SUCLG2: variants seen among roughly 807,000 people sequenced by gnomAD.
SUCLG2 encodes succinate-CoA ligase GDP-forming subunit beta.
In SUCLG2, 42 loss-of-function variants were observed where a neutral mutation model predicts 47.9. That is an observed-to-expected ratio of 0.88 (90% CI 0.69 to 1.14). The LOEUF is 1.14. Among genes scored for constraint, SUCLG2 ranks in the 50% most tolerant of loss-of-function variants. The pLI, the probability that SUCLG2 is intolerant of heterozygous loss-of-function variation, is 0.00. For missense variants in SUCLG2, 571 were observed against 525.9 expected, an observed-to-expected ratio of 1.09 and a Z score of -0.84; for synonymous variants, 195 against 197.3, an observed-to-expected ratio of 0.99 and a Z score of 0.10.
chr3:67,378,949 C>T (rs753027109), intron 10 of SUCLG2, among the ~76,000 whole-genome samples: 7 of 151,992 alleles, frequency 4.6e-5, no homozygotes, highest in African/African-American at 7.2e-5. Context: ...GACAGTTACA[C>T]GTGTAAATTT....
intron 9 of SUCLG2, among the ~76,000 whole-genome samples, chr3:67,474,782 T>A (rs1386354623): frequency 1.3e-5 from 2 of 152,072 alleles, no homozygotes; most frequent in Non-Finnish European, 2.9e-5. Flanking sequence ...TCACAATTCT[T>A]ACAAGTCTTT....
At position 67,375,225 on chromosome 3, in the gene SUCLG2, T is replaced by G; in HGVS notation, c.*519A>C. 1.0e-6 allele frequency: 1 copy of G among 985,908 alleles called. No individual in the cohort carries two copies. Among genetic ancestry groups the G allele is most frequent in the Non-Finnish European group, 1.2e-6 (1 of 829,942 alleles). 61.1% of individuals were successfully genotyped at this position (985,908 alleles called of 1,614,324 possible). A position where few individuals can be genotyped will look rare whatever the true frequency, so the allele number is the denominator to read the frequency against. On this transcript the variant is annotated 3_prime_UTR_variant, in exon 11 of 11. Transcript: ENST00000307227. ...GTTAGAATTAGAAACCTGTAAAATC[T>G]GCAGTAGTGTGTAATAGCTATTTGC... is the stretch of plus-strand genomic sequence containing the variant.
At chr3:67,515,230 A>T (rs1705911259) in intron 6 of SUCLG2, among the ~76,000 whole-genome samples, 1 of 152,198 alleles carries the variant, frequency 6.6e-6, no homozygotes, top group South Asian at 2.1e-4. Context: ...ATAAGTCAAA[A>T]TTTATCCTAA....
chr3:67,481,090 A>G (rs1022692182), intron 9 of SUCLG2, among the ~76,000 whole-genome samples: 5 of 152,238 alleles, frequency 3.3e-5, no homozygotes, highest in Admixed American at 2.0e-4. Flanking sequence ...TGTGATGATG[A>G]ATGAATTTTT....
intron 2 of SUCLG2, among the ~76,000 whole-genome samples, chr3:67,594,204 C>G (rs908771485): frequency 6.6e-6 from 1 of 152,184 alleles, no homozygotes; most frequent in Admixed American, 6.5e-5. Flanking sequence ...TGTTACCTAG[C>G]GTTGTTGAGG....
intron 7 of SUCLG2, among the ~76,000 whole-genome samples, chr3:67,499,373 G>C (rs897696948): frequency 6.6e-6 from 1 of 152,172 alleles, no homozygotes; most frequent in Non-Finnish European, 1.5e-5. Context: ...CCATGCCCTT[G>C]ATTCGTGCAG....
At chr3:67,470,205 A>G in intron 9 of SUCLG2, among the ~76,000 whole-genome samples, 1 of 152,232 alleles carries the variant, frequency 6.6e-6, no homozygotes, top group East Asian at 1.9e-4. Context: ...AATGTAAAAA[A>G]GAATGACACA....
At chr3:67,479,107 GAA>G (rs777893631) in intron 9 of SUCLG2, among the ~76,000 whole-genome samples, 1 of 152,118 alleles carries the variant, frequency 6.6e-6, no homozygotes, top group Non-Finnish European at 1.5e-5. Context: ...AGAGGTGGAA[GAA>G]ACAGCAATGA....
intron 1 of SUCLG2, among the ~76,000 whole-genome samples, chr3:67,610,548 T>C (rs1254517358): frequency 6.7e-6 from 1 of 149,490 alleles, no homozygotes; most frequent in East Asian, 1.9e-4. Flanking sequence ...ACACTTAATG[T>C]AAACTCCTTT....
chr3:67,640,105 C>A (rs1023473328), intron 1 of SUCLG2, among the ~76,000 whole-genome samples: 3 of 152,178 alleles, frequency 2.0e-5, no homozygotes, highest in African/African-American at 7.2e-5. Flanking sequence ...TAAAAGCACA[C>A]AAGCACAAAA....
exon 11 of SUCLG2, chr3:67,360,554 TA>T (rs1278330823): frequency 2.3e-5 from 33 of 1,406,520 alleles, no homozygotes; most frequent in South Asian, 4.6e-5. Flanking sequence ...AACCCAAATG[TA>T]AAAAAATAAT....
At chr3:67,611,026 C>T (rs1700518870) in intron 1 of SUCLG2, among the ~76,000 whole-genome samples, 1 of 152,134 alleles carries the variant, frequency 6.6e-6, no homozygotes. Context: ...ACTTGGATGG[C>T]CAAATGAATC....
chr3:67,405,183 G>T lies in SUCLG2; in HGVS notation c.1063-4332C>A, dbSNP rs542647383. On this transcript the variant is annotated intron_variant, in intron 9 of 10. Coordinates refer to ENST00000307227, the MANE Select transcript of SUCLG2 (RefSeq NM_003848.4). ...ACAGGGCCCGGGTCCCCAGACCCCA[G>T]ACAGCTGATCCCAAGGCAAGTTTGC... is the stretch of plus-strand genomic sequence containing the variant. 1.1e-4 allele frequency among the ~76,000 whole-genome samples: 17 copies of T among 152,292 alleles called. 2 individuals are homozygous for T. The South Asian group carries it at 3.5e-3, about 32-fold the overall frequency.
intron 9 of SUCLG2, among the ~76,000 whole-genome samples, chr3:67,406,227 A>C (rs74887995): frequency 0.081 from 12,362 of 152,244 alleles, 622 homozygotes; most frequent in Middle Eastern, 0.14. Flanking sequence ...CCCTTAATGA[A>C]ATAAAAATAT....
intron 9 of SUCLG2, among the ~76,000 whole-genome samples, chr3:67,467,749 A>G (rs1188781002): frequency 6.6e-6 from 1 of 152,142 alleles, no homozygotes; most frequent in Non-Finnish European, 1.5e-5. Context: ...TTTAATACTC[A>G]TAGCAACCCT....
At chr3:67,637,730 C>G (rs555185206) in intron 1 of SUCLG2, among the ~76,000 whole-genome samples, 13 of 152,256 alleles carry the variant, frequency 8.5e-5, no homozygotes, top group African/African-American at 2.4e-4. Flanking sequence ...CTCTGCCTTT[C>G]TTTTTTGGAG....
At chr3:67,362,232 C>G (rs1701813785) in intron 10 of SUCLG2, among the ~76,000 whole-genome samples, 1 of 152,182 alleles carries the variant, frequency 6.6e-6, no homozygotes, top group African/African-American at 2.4e-5. Context: ...TTTAAGAGAA[C>G]TTTTCATGTA....
intron 1 of SUCLG2, among the ~76,000 whole-genome samples, chr3:67,641,614 T>C (rs530430590): frequency 2.0e-5 from 3 of 152,316 alleles, no homozygotes; most frequent in South Asian, 2.1e-4. Context: ...TAGGATGACT[T>C]TGTCACTCTC....
Position 67,495,904 on chromosome 3 carries a change from A to G in SUCLG2, c.956T>C (p.Ile319Thr), listed in dbSNP as rs1419940101. ...TGGCTTCCCACCATTAAGGAAAATG[A>G]TATCACAAGTAGCCATGGCGAGCCC... is the stretch of plus-strand genomic sequence containing the variant. Reference protein sequence around the residue: ...GAGLAMATCDIIFLNGGKPAN... With the variant: ...GAGLAMATCDTIFLNGGKPAN... The change falls in exon 9 of 11, where the codon ATC (isoleucine) becomes ACC (threonine). Residue 319 changes from isoleucine to threonine, a missense_variant. Transcript: ENST00000307227. The G allele has an allele frequency of 1.9e-6, 3 of 1,613,946 alleles. No homozygotes were observed. Among genetic ancestry groups the G allele is most frequent in the East Asian group, 2.2e-5 (1 of 44,868 alleles).
Sources: gnomAD v4.1 joint callset for allele counts (sites outside exome capture counted in the v4.1 genomes callset) on GRCh38, gnomAD v4.1.1 for gene constraint, MANE v1.5 for transcripts, NCBI Gene and HGNC (gene_info 2026-07-23, HGNC 2026-07-21) for gene names.